Variants in EBF3 observed in about 807,000 individuals in gnomAD.
EBF3 encodes EBF transcription factor 3.
A neutral mutation model predicts 77.1 loss-of-function variants in EBF3; 18 were observed. That is an observed-to-expected ratio of 0.23 (90% CI 0.16 to 0.35). The LOEUF (loss-of-function observed/expected upper bound fraction) is 0.35. EBF3 is among the 10% of genes least tolerant of loss of function. The pLI is 1.00. For synonymous variants in EBF3, 350 were observed against 343.5 expected (o/e 1.02, Z -0.21); for missense variants, 558 against 860.0 (o/e 0.65, Z 4.39).
At chr10:129,905,290 T>C (rs1366918195) in intron 6 of EBF3, among the ~76,000 whole-genome samples, 1 of 152,218 alleles carries the variant, frequency 6.6e-6, no homozygotes, top group Admixed American at 6.5e-5. Flanking sequence ...GATGTGCTGT[T>C]TGTGTCCAAT....
chr10:129,841,673 T>C lies in EBF3; in HGVS notation c.1372+443A>G, dbSNP rs1205808768. On this transcript the variant is annotated intron_variant, in intron 13 of 16. Coordinates refer to ENST00000440978, the MANE Select transcript of EBF3 (RefSeq NM_001375380.1). The surrounding 1 kb of genome is among the most constrained non-coding windows in gnomAD (Gnocchi z 4.6). ...TGGCCCAGGACACTGCACTGTGGGA[T>C]GGGGTGCGGGGTGGGGAAATGGGGG... is the stretch of plus-strand genomic sequence containing the variant. Among the ~76,000 whole-genome samples, 1 of 151,992 alleles carries C rather than the reference T, an allele frequency of 6.6e-6. No homozygotes were observed. Among genetic ancestry groups the C allele is most frequent in the Admixed American group, 6.5e-5 (1 of 15,270 alleles).
At chr10:129,845,811 C>CA (rs1850413078) in intron 11 of EBF3, 1 of 151,908 alleles carries the variant, frequency 6.6e-6, no homozygotes. Context: ...AAAAAAAACT[C>CA]AGATGAAATG....
intron 8 of EBF3, among the ~76,000 whole-genome samples, chr10:129,869,046 T>C (rs1392447395): frequency 6.6e-6 from 1 of 152,208 alleles, no homozygotes; most frequent in African/African-American, 2.4e-5. Flanking sequence ...TCTGTAATGG[T>C]TGCCAGGTGG....
chr10:129,940,725 G>A (rs550367275), intron 6 of EBF3, among the ~76,000 whole-genome samples: 1 of 152,296 alleles, frequency 6.6e-6, no homozygotes, highest in African/African-American at 2.4e-5. Context: ...AAGAGCAGAG[G>A]TGGCCTCAGG....
chr10:129,913,712 G>C (rs1047796465), intron 6 of EBF3, among the ~76,000 whole-genome samples: 1 of 152,242 alleles, frequency 6.6e-6, no homozygotes, highest in Non-Finnish European at 1.5e-5. Context: ...AGGGGCCCAG[G>C]GGTCTGGCTG....
At position 129,963,765 on chromosome 10, in the gene EBF3, A is replaced by G; in HGVS notation, c.4T>C (p.Phe2Leu). The G allele has an allele frequency of 5.3e-6, 8 of 1,519,130 alleles. No individual in the cohort carries two copies. Among genetic ancestry groups the G allele is most frequent in the Non-Finnish European group, 7.1e-6 (8 of 1,124,236 alleles). The allele number at this position is 1,519,130 out of a possible 1,614,324, so 94.1% of individuals were successfully genotyped here. The change falls in exon 1 of 17, where the codon TTT becomes CTT. Residue 2 changes from phenylalanine to leucine, a missense_variant. By Grantham distance (22) the Phe-to-Leu change is conservative. Around this residue, in one of 5 missense-constraint regions of EBF3, gnomAD observed 64 missense variants for 54.5 expected, o/e 1.18. Coordinates refer to ENST00000440978, the MANE Select transcript of EBF3 (RefSeq NM_001375380.1). The surrounding 1 kb of genome is among the most constrained non-coding windows in gnomAD (Gnocchi z 7.1). ...CGCGGAATATTCTCCTGAATCCCAA[A>G]CATGAAAACTGCTGGCGGCGGCCGC... is the stretch of plus-strand genomic sequence containing the variant. M[F>L]GIQENIPRGG...
At chr10:129,850,197 A>C (rs1850766875) in intron 10 of EBF3, among the ~76,000 whole-genome samples, 1 of 152,246 alleles carries the variant, frequency 6.6e-6, no homozygotes, top group South Asian at 2.1e-4. Flanking sequence ...TGTTTGACTT[A>C]ATGAATCGGC....
chr10:129,873,411 G>T, intron 8 of EBF3, 41 bp downstream of exon 8: 1 of 1,473,456 alleles, frequency 6.8e-7, no homozygotes, highest in Non-Finnish European at 9.0e-7. Flanking sequence ...CAAAGAAAAA[G>T]AAGCATCGCA....
chr10:129,940,435 G>C (rs1324468201), intron 6 of EBF3, among the ~76,000 whole-genome samples: 2 of 152,168 alleles, frequency 1.3e-5, no homozygotes, highest in Non-Finnish European at 2.9e-5. Context: ...AGGCACAGAA[G>C]GGGAAAGAAT....
In EBF3 at chr10:129,864,603, C is replaced by T. The variant is rs144643808; in HGVS notation, c.1039+2538G>A. Among the ~76,000 whole-genome samples the T allele has an allele frequency of 7.2e-5, 11 of 152,224 alleles. No homozygotes were observed. Among genetic ancestry groups the T allele is most frequent in the East Asian group, 1.9e-4 (1 of 5,196 alleles). ...GAAGGCATCCACTAAAGCATTCATC[C>T]GGGATGGGCTGACAGTCCAGTGTAA... is the stretch of plus-strand genomic sequence containing the variant. On this transcript the variant is annotated intron_variant, in intron 10 of 16. Transcript: ENST00000440978. This position sits in a 1 kb window ranked among gnomAD's most constrained non-coding sequence, Gnocchi z 4.4.
chr10:129,934,151 A>T (rs1018264630), intron 6 of EBF3, among the ~76,000 whole-genome samples: 3 of 152,098 alleles, frequency 2.0e-5, no homozygotes, highest in Admixed American at 6.5e-5. Context: ...ATGGCACCTC[A>T]GGGCCTAGTA....
intron 6 of EBF3, among the ~76,000 whole-genome samples, chr10:129,893,963 G>T (rs1253435877): frequency 1.3e-5 from 2 of 152,186 alleles, no homozygotes; most frequent in African/African-American, 4.8e-5. Flanking sequence ...TGAACAAAGC[G>T]CGTGCTTCTC....
intron 6 of EBF3, among the ~76,000 whole-genome samples, chr10:129,889,444 C>T (rs1024509678): frequency 6.6e-6 from 1 of 152,236 alleles, no homozygotes; most frequent in Non-Finnish European, 1.5e-5. Context: ...CCTCCTGCGG[C>T]TGGGCCGTCC....
At chr10:129,883,044 T>C (rs1853317665) in intron 6 of EBF3, among the ~76,000 whole-genome samples, 2 of 152,244 alleles carry the variant, frequency 1.3e-5, no homozygotes, top group Non-Finnish European at 2.9e-5. Context: ...TTCTAATGGC[T>C]TGCTTTTTGC....
intron 16 of EBF3, among the ~76,000 whole-genome samples, chr10:129,838,215 T>A (rs917139477): frequency 6.6e-6 from 1 of 152,148 alleles, no homozygotes; most frequent in Non-Finnish European, 1.5e-5. Flanking sequence ...AAGGCTTCTT[T>A]TGGAAAAGGG....
intron 6 of EBF3, among the ~76,000 whole-genome samples, chr10:129,942,048 G>A (rs1025080616): frequency 3.3e-5 from 5 of 152,106 alleles, no homozygotes; most frequent in African/African-American, 4.8e-5. Flanking sequence ...CTGTGTCCCC[G>A]CAGCCAGGAG....
At chr10:129,922,681 G>T (rs1856392492) in intron 6 of EBF3, among the ~76,000 whole-genome samples, 1 of 152,260 alleles carries the variant, frequency 6.6e-6, no homozygotes, top group African/African-American at 2.4e-5. Flanking sequence ...CCAGCCACAA[G>T]GACCCTTCCC....
At chr10:129,910,094 C>T (rs956889924) in intron 6 of EBF3, among the ~76,000 whole-genome samples, 3 of 152,160 alleles carry the variant, frequency 2.0e-5, no homozygotes, top group African/African-American at 4.8e-5. Flanking sequence ...AGCAGTGCCG[C>T]GCTAACGAGC....
chr10:129,850,961 G>A (rs1040839584), intron 10 of EBF3, among the ~76,000 whole-genome samples: 6 of 152,216 alleles, frequency 3.9e-5, no homozygotes, highest in African/African-American at 1.2e-4. Flanking sequence ...CAGAGTTTAC[G>A]GGCGAGAGCC....
Sources: gnomAD v4.1 joint callset for allele counts (sites outside exome capture counted in the v4.1 genomes callset) on GRCh38, gnomAD v4.1.1 for gene constraint, gnomAD v4.1.1 regional missense constraint, Gnocchi (gnomAD v3.1) non-coding constraint, MANE v1.5 for transcripts, NCBI Gene and HGNC (gene_info 2026-07-23, HGNC 2026-07-21) for gene names.